The following ITGAE variants were observed in gnomAD, a reference collection of about 807,000 sequenced individuals.
The protein encoded by ITGAE is integrin alpha-E.
Under a neutral mutation model 136.5 loss-of-function variants are expected in ITGAE, and 99 were observed. The observed-to-expected ratio is 0.73, with a 90% CI of 0.62 to 0.86. The LOEUF is 0.86. Ranked by LOEUF, ITGAE falls within the 40% of genes least tolerant of loss-of-function variation. The probability of loss-of-function intolerance (pLI) is 0.00; values close to 1 mark genes in which losing one functional copy is unlikely to be tolerated. For synonymous variants in ITGAE, 613 were observed against 591.8 expected (o/e 1.04, Z -0.52); for missense variants, 1,447 against 1,515.3 (o/e 0.95, Z 0.75).
intron 17 of ITGAE, among the ~76,000 whole-genome samples, chr17:3,746,782 G>A (rs1375039348): frequency 4.6e-5 from 7 of 152,070 alleles, no homozygotes; most frequent in African/African-American, 1.2e-4. Flanking sequence ...TAGTAGAGAC[G>A]GGGTTTCACC....
intron 24 of ITGAE, 103 bp from the exon 25 acceptor site, chr17:3,728,271 A>G (rs2051261324): frequency 2.2e-6 from 2 of 891,718 alleles, no homozygotes; most frequent in Non-Finnish European, 3.8e-6. Context: ...TGGAACAATC[A>G]TGGCTCAGTG....
At chr17:3,748,975 G>T (rs1376990199) in intron 16 of ITGAE, among the ~76,000 whole-genome samples, 1 of 152,172 alleles carries the variant, frequency 6.6e-6, no homozygotes, top group Non-Finnish European at 1.5e-5. Flanking sequence ...TGAAGGGATA[G>T]GGCTGCTGCT....
At chr17:3,766,140 C>T (rs1262433738) in intron 2 of ITGAE, among the ~76,000 whole-genome samples, 2 of 151,994 alleles carry the variant, frequency 1.3e-5, no homozygotes, top group Non-Finnish European at 2.9e-5. Flanking sequence ...ATGGGCGAGC[C>T]GCAGGGACTC....
In ITGAE at chr17:3,741,663, G is replaced by T. The variant is rs2051591613; in HGVS notation, c.2449-1785C>A. Among the ~76,000 whole-genome samples, 5 of 152,224 alleles carry T rather than the reference G, an allele frequency of 3.3e-5. 1 individual carries two copies. The highest frequency in any genetic ancestry group is 3.3e-4 in the Admixed American group (5 of 15,262). On this transcript the variant is annotated intron_variant, in intron 19 of 30. Coordinates refer to ENST00000263087, the MANE Select transcript of ITGAE (RefSeq NM_002208.5). The stretch of plus-strand genomic sequence containing the variant: ...ATCGCAAGGCATCTCACCATAAAAT[G>T]AGACGTGCTTATTAATGACACAGGC...
At chr17:3,744,211 A>T (rs2051658601) in intron 18 of ITGAE, among the ~76,000 whole-genome samples, 1 of 152,090 alleles carries the variant, frequency 6.6e-6, no homozygotes, top group African/African-American at 2.4e-5. Context: ...TCATAAGAAG[A>T]AATAAACAAT....
At position 3,780,499 on chromosome 17, in the gene ITGAE, T is replaced by C. The variant is rs1420304985; in HGVS notation, c.35-2839A>G. Among the ~76,000 whole-genome samples, 4 of 150,710 alleles carry C rather than the reference T, an allele frequency of 2.7e-5. No homozygotes were observed. In the East Asian group the frequency reaches 5.9e-4, roughly 22 times the overall value. ...TTTTAGTAGAGATGGGGTTTCTCCA[T>C]GTTGGTCAGGCTAGTTTCGAACTCC... On this transcript the variant is annotated intron_variant, in intron 1 of 30. Coordinates refer to ENST00000263087, the MANE Select transcript of ITGAE (RefSeq NM_002208.5).
chr17:3,763,749 CTA>C, intron 3 of ITGAE, 118 bp downstream of exon 3: 1 of 791,554 alleles, frequency 1.3e-6, no homozygotes, highest in Non-Finnish European at 2.2e-6. Context: ...ATGCTGGAGT[CTA>C]GGGGTGAACG....
intron 28 of ITGAE, 197 bp from the exon 29 acceptor site, chr17:3,720,599 T>TG: frequency 2.7e-6 from 1 of 376,020 alleles, no homozygotes; most frequent in Non-Finnish European, 4.9e-6. Flanking sequence ...TTTTTTTTTT[T>TG]GAGATGGAGT....
At chr17:3,756,119 A>G (rs2052016899) in intron 10 of ITGAE, among the ~76,000 whole-genome samples, 1 of 150,910 alleles carries the variant, frequency 6.6e-6, no homozygotes, top group Admixed American at 6.6e-5. Flanking sequence ...AGCTCCTGGG[A>G]GAAGGGACTA....
chr17:3,769,893 A>G (rs564203694), intron 2 of ITGAE, among the ~76,000 whole-genome samples: 7 of 152,144 alleles, frequency 4.6e-5, no homozygotes, highest in Admixed American at 1.3e-4. Flanking sequence ...GGGTTTCACC[A>G]TGTTGGCCAG....
At chr17:3,792,720 T>C (rs1004747072) in intron 1 of ITGAE, among the ~76,000 whole-genome samples, 1 of 152,170 alleles carries the variant, frequency 6.6e-6, no homozygotes, top group African/African-American at 2.4e-5. Flanking sequence ...CTTAATAAAA[T>C]CATTTGTTGA....
rs1271952687 is a variant in ITGAE at position 3,729,512 on chromosome 17, G to A, written c.2878C>T (p.Gln960Ter). ...RSLANETHTL[Q>*]FRHGFVAVLS... The stretch of plus-strand genomic sequence containing the variant: ...ACTGCAACGAAGCCATGCCTGAATT[G>A]AAGGGTGTGGGTCTCGTTGGCCAAA... Residue 960 changes from glutamine to a stop codon, truncating the protein, a stop_gained, in exon 24 of 31, where the codon CAA becomes TAA. Transcript: ENST00000263087. LOFTEE classifies it high-confidence loss of function. 6.2e-7 allele frequency: 1 copy of A among 1,612,192 alleles called. No homozygotes were observed. The highest frequency in any genetic ancestry group is 1.7e-5 in the Admixed American group (1 of 60,024).
intron 21 of ITGAE, among the ~76,000 whole-genome samples, chr17:3,732,975 G>A (rs2051380139): frequency 6.6e-6 from 1 of 152,026 alleles, no homozygotes; most frequent in African/African-American, 2.4e-5. Context: ...CTAGGAGATT[G>A]TTTTTTGCTT....
chr17:3,743,557 G>A lies in ITGAE; in HGVS notation c.2380C>T (p.Pro794Ser), dbSNP rs1293701350. The A allele has an allele frequency of 2.5e-6, 4 of 1,613,090 alleles. No individual in the cohort carries two copies. Among genetic ancestry groups the A allele is most frequent in the Non-Finnish European group, 3.4e-6 (4 of 1,179,696 alleles). ...SVKVSYQLQT[P>S]EGQTDHPQPI... ...TGGGGATGGTCCGTCTGTCCCTCAG[G>A]GGTCTGGAGCTGGTAGCTGACTTTG... is the stretch of plus-strand genomic sequence containing the variant. Residue 794 changes from proline to serine, a missense_variant, in exon 19 of 31, where the codon CCT becomes TCT. Pro to Ser is a moderately conservative substitution (Grantham distance 74). Coordinates refer to ENST00000263087, the MANE Select transcript of ITGAE (RefSeq NM_002208.5).
At chr17:3,726,434 C>G (rs1025817171) in intron 26 of ITGAE, 1 of 743,494 alleles carries the variant, frequency 1.3e-6, no homozygotes, top group Non-Finnish European at 2.3e-6. Flanking sequence ...CTCCCATTCT[C>G]ACAGGTTTCC....
chr17:3,724,214 C>T (rs990174898), intron 26 of ITGAE: 1 of 1,593,062 alleles, frequency 6.3e-7, no homozygotes. Flanking sequence ...ACCGGCCCAG[C>T]CTGACCGTGA....
At chr17:3,746,010 T>C in intron 17 of ITGAE, 83 bp from the exon 18 acceptor site, 1 of 1,299,076 alleles carries the variant, frequency 7.7e-7, no homozygotes, top group South Asian at 1.3e-5. Flanking sequence ...CTGAGGTTCC[T>C]TGTGGCCCCT....
At chr17:3,743,979 A>G (rs2143015701) in intron 18 of ITGAE, among the ~76,000 whole-genome samples, 1 of 150,194 alleles carries the variant, frequency 6.7e-6, no homozygotes, top group South Asian at 2.1e-4. Context: ...CTGGGATTAT[A>G]GGCGTAAGCC....
At chr17:3,784,930 A>C (rs1327208488) in intron 1 of ITGAE, among the ~76,000 whole-genome samples, 1 of 152,120 alleles carries the variant, frequency 6.6e-6, no homozygotes, top group Non-Finnish European at 1.5e-5. Flanking sequence ...TCAGGAGTTC[A>C]AGACCAGCCT....
Sources: allele counts gnomAD v4.1 joint callset (sites outside exome capture counted in the v4.1 genomes callset), GRCh38; gene constraint gnomAD v4.1.1; transcripts MANE v1.5; gene names NCBI Gene and HGNC (gene_info 2026-07-23, HGNC 2026-07-21).